The following PLXNA1 variants were observed in gnomAD, a reference collection of about 807,000 sequenced individuals.
PLXNA1 encodes the protein plexin-A1.
A neutral mutation model predicts 191.7 loss-of-function variants in PLXNA1; 77 were observed. That is an observed-to-expected ratio of 0.40 (90% CI 0.33 to 0.49). The LOEUF is 0.49. Among genes scored for constraint, PLXNA1 ranks in the 20% least tolerant of loss-of-function variants. The pLI is 0.63. For synonymous variants in PLXNA1, 1,137 were observed against 1,156.4 expected (o/e 0.98, Z 0.34); for missense variants, 2,110 against 2,660.2 (o/e 0.79, Z 4.55).
chr3:127,031,128 A>G (rs566084785), intron 29 of PLXNA1, among the ~76,000 whole-genome samples: 1 of 152,246 alleles, frequency 6.6e-6, no homozygotes, highest in Admixed American at 6.5e-5. Context: ...GGACTGCCCA[A>G]CTCAGCAATG....
intron 17 of PLXNA1, 74 bp downstream of exon 17, chr3:127,017,111 G>T: frequency 7.4e-7 from 1 of 1,353,454 alleles, no homozygotes; most frequent in South Asian, 1.3e-5. Context: ...AGGAATACCC[G>T]TGTCCCTGCC....
chr3:127,009,637 A>G (rs917285802), intron 9 of PLXNA1, among the ~76,000 whole-genome samples: 1 of 146,286 alleles, frequency 6.8e-6, no homozygotes, highest in Non-Finnish European at 1.5e-5. Flanking sequence ...AGTGTACTAC[A>G]TTCAGCTTCC....
chr3:127,020,422 T>C, intron 21 of PLXNA1, 78 bp downstream of exon 21: 3 of 1,550,842 alleles, frequency 1.9e-6, no homozygotes, highest in South Asian at 2.4e-5. Flanking sequence ...CCTTGGGTGC[T>C]GATGGATGGT....
At chr3:126,991,669 G>A (rs2078991561) in intron 3 of PLXNA1, 103 bp downstream of exon 3, 8 of 1,248,310 alleles carry the variant, frequency 6.4e-6, no homozygotes, top group Admixed American at 2.9e-5. Context: ...GCTGTGGGAG[G>A]CTAGATCTGG....
At position 127,028,287 on chromosome 3, in the gene PLXNA1, C is replaced by T; in HGVS notation, c.4616C>T (p.Ala1539Val). ...GCCAAGGAGAAGCTGCTGGACGCTG[C>T]CTACAAGGGCGTGCCCTACTCCCAG... ...TQAKEKLLDAAYKGVPYSQRP... is the reference protein window; with the variant it reads ...TQAKEKLLDAVYKGVPYSQRP... The change falls in exon 25 of 32, where the codon GCC (alanine) becomes GTC (valine). Residue 1539 changes from alanine to valine, a missense_variant. Transcript: ENST00000393409. 6.2e-7 allele frequency: 1 copy of T among 1,612,734 alleles called. No homozygotes were observed. The highest frequency in any genetic ancestry group is 8.5e-7 in the Non-Finnish European group (1 of 1,179,980).
At chr3:127,004,042 G>T (rs920385363) in intron 4 of PLXNA1, among the ~76,000 whole-genome samples, 10 of 152,248 alleles carry the variant, frequency 6.6e-5, no homozygotes, top group African/African-American at 2.2e-4. Flanking sequence ...AGATGGGGCA[G>T]GTGGGGCCAG....
chr3:127,005,867 G>A (rs983711566), intron 7 of PLXNA1, among the ~76,000 whole-genome samples: 1 of 152,090 alleles, frequency 6.6e-6, no homozygotes, highest in Non-Finnish European at 1.5e-5. Context: ...GGAGAGTCTC[G>A]CGGTTCTCAA....
At chr3:127,011,649 G>A (rs1294357002) in intron 9 of PLXNA1, among the ~76,000 whole-genome samples, 2 of 152,206 alleles carry the variant, frequency 1.3e-5, no homozygotes, top group Admixed American at 6.5e-5. Context: ...CAGCCCCAGA[G>A]CCCCAATCTC....
chr3:127,024,163 C>A (rs1288383594), intron 23 of PLXNA1, among the ~76,000 whole-genome samples: 2 of 152,144 alleles, frequency 1.3e-5, no homozygotes, highest in Non-Finnish European at 2.9e-5. Flanking sequence ...GTGGAGAGGG[C>A]ACCGCTAACC....
At position 127,014,562 on chromosome 3, in the gene PLXNA1, C is replaced by T. The variant is rs145859299; in HGVS notation, c.2689C>T (p.Arg897Cys). 6.2e-7 allele frequency: 1 copy of T among 1,612,586 alleles called. No homozygotes were observed. Among genetic ancestry groups the T allele is most frequent in the Non-Finnish European group, 8.5e-7 (1 of 1,179,858 alleles). Residue 897 changes from arginine to cysteine, a missense_variant, in exon 13 of 32, where the codon CGT (arginine) becomes TGT (cysteine). Physicochemically the swap from Arg to Cys is radical, Grantham distance 180. Around this residue, in one of 4 missense-constraint regions of PLXNA1, gnomAD observed 644 missense variants for 714.3 expected, o/e 0.90. Transcript: ENST00000393409. ...CCTGGGCCTGCGATTCGAAGACGTG[C>T]GTCTGGGCGTGCGCGTGGGCAAGGT... ...ENLGLRFEDV[R>C]LGVRVGKVLC...
chr3:126,992,487 G>A (rs1459280865), intron 3 of PLXNA1, among the ~76,000 whole-genome samples: 4 of 152,130 alleles, frequency 2.6e-5, no homozygotes, highest in Non-Finnish European at 5.9e-5. Context: ...GTTAGGAAGG[G>A]GGCCTCCCAT....
In PLXNA1 at chr3:127,035,586, T is replaced by C. The variant is rs1393741618; in HGVS notation, c.*1569T>C. 1 of 152,646 alleles carries C rather than the reference T, an allele frequency of 6.6e-6. No homozygotes were observed. The highest frequency in any genetic ancestry group is 2.4e-5 in the African/African-American group (1 of 41,468). 9.5% of individuals were successfully genotyped at this position (152,646 alleles called of 1,614,324 possible). ...ACTGCAAGTGTTGAATACTAGAGGT[T>C]GTTAGACCCTTTTTTATGTTTTTTA... On this transcript the variant is annotated 3_prime_UTR_variant, in exon 32 of 32. Transcript: ENST00000393409.
At chr3:126,987,902 C>T (rs536027249) in intron 1 of PLXNA1, among the ~76,000 whole-genome samples, 2 of 151,910 alleles carry the variant, frequency 1.3e-5, no homozygotes, top group South Asian at 4.2e-4. Context: ...GCCACCTATC[C>T]ACAGTGAGAA....
rs1168892692 is a variant in PLXNA1, at chr3:126,983,125, G to A, written c.-236G>A. Among the ~76,000 whole-genome samples the A allele has an allele frequency of 6.9e-6, 1 of 145,642 alleles. No homozygotes were observed. The highest frequency in any genetic ancestry group is 1.5e-5 in the Non-Finnish European group (1 of 65,584). ...GGCGCTCGGCGCCCCATTCATGCTG[G>A]GCATCGGCTGCGCGGCCACGCAGCG... On this transcript the variant is annotated 5_prime_UTR_variant, in exon 1 of 32. Coordinates refer to ENST00000393409, the MANE Select transcript of PLXNA1 (RefSeq NM_032242.4).
At position 126,991,427 on chromosome 3, in the gene PLXNA1, A is replaced by G; in HGVS notation, c.1238A>G (p.Gln413Arg). The change falls in exon 3 of 32, where the codon CAG becomes CGG. Residue 413 changes from glutamine to arginine, a missense_variant. Physicochemically the swap from Gln to Arg is conservative, Grantham distance 43. This residue lies in a region of PLXNA1 where 903 missense variants were observed against 1,015.7 expected (regional missense o/e 0.89). Coordinates refer to ENST00000393409, the MANE Select transcript of PLXNA1 (RefSeq NM_032242.4). Reference sequence around the variant, plus strand: ...GACTTCTGCGGGCAGGACTTCAACCAGCCCCTGGGGGGCACAGTCACCATT... The same window carrying G: ...GACTTCTGCGGGCAGGACTTCAACCGGCCCCTGGGGGGCACAGTCACCATT... ...DDDFCGQDFN[Q>R]PLGGTVTIEG... 6.2e-7 allele frequency: 1 copy of G among 1,612,830 alleles called. No individual in the cohort carries two copies. Among genetic ancestry groups the G allele is most frequent in the Non-Finnish European group, 8.5e-7 (1 of 1,179,892 alleles).
At chr3:127,022,456 G>T (rs906369230) in intron 22 of PLXNA1, 115 bp downstream of exon 22, 1 of 1,353,022 alleles carries the variant, frequency 7.4e-7, no homozygotes, top group African/African-American at 1.4e-5. Flanking sequence ...GGCAGGGGTG[G>T]GAGGACTCAC....
At chr3:127,016,117 A>G (rs997792920) in intron 15 of PLXNA1, among the ~76,000 whole-genome samples, 5 of 152,056 alleles carry the variant, frequency 3.3e-5, no homozygotes, top group Non-Finnish European at 5.9e-5. Flanking sequence ...GAGGGAGGGC[A>G]GCATGAGCCT....
intron 21 of PLXNA1, among the ~76,000 whole-genome samples, chr3:127,020,910 G>T (rs2079149206): frequency 6.6e-6 from 1 of 152,212 alleles, no homozygotes; most frequent in South Asian, 2.1e-4. Context: ...GTAGGGCTTT[G>T]CCCCGTAGAC....
chr3:127,007,691 G>C (rs2079075445), intron 8 of PLXNA1, 108 bp from the exon 9 acceptor site: 2 of 687,140 alleles, frequency 2.9e-6, no homozygotes. Context: ...CCAAGACCCT[G>C]AGGTGGCACT....
Sources: gnomAD v4.1 joint callset for allele counts (sites outside exome capture counted in the v4.1 genomes callset) on GRCh38, gnomAD v4.1.1 for gene constraint, gnomAD v4.1.1 regional missense constraint, MANE v1.5 for transcripts, NCBI Gene and HGNC (gene_info 2026-07-23, HGNC 2026-07-21) for gene names.